TACR1: variants seen among roughly 807,000 people sequenced by gnomAD.
The protein encoded by TACR1 is substance-P receptor.
Under a neutral mutation model 35.8 loss-of-function variants are expected in TACR1, and 25 were observed. The ratio of observed to expected loss-of-function variants is 0.70; its 90% confidence interval spans 0.51 to 0.98. TACR1 has a LOEUF of 0.98. Among genes scored for constraint, TACR1 ranks in the 50% least tolerant of loss-of-function variants. TACR1 has a pLI of 0.00. For missense variants in TACR1, 478 were observed against 522.9 expected (o/e 0.91, Z 0.84); for synonymous variants, 195 against 206.7 (o/e 0.94, Z 0.48).
chr2:75,185,386 TAA>T (rs1412236821), intron 1 of TACR1, among the ~76,000 whole-genome samples: 2 of 151,882 alleles, frequency 1.3e-5, no homozygotes, highest in African/African-American at 4.8e-5. Flanking sequence ...TATAACAACA[TAA>T]AATAATATAA....
chr2:75,051,748 G>A (rs1340104390), intron 3 of TACR1, among the ~76,000 whole-genome samples: 6 of 152,208 alleles, frequency 3.9e-5, no homozygotes, highest in African/African-American at 1.4e-4. Flanking sequence ...CTGGGGATAG[G>A]ACCCCAAATT....
chr2:75,174,781 G>A (rs745454789), intron 1 of TACR1, among the ~76,000 whole-genome samples: 13 of 152,156 alleles, frequency 8.5e-5, no homozygotes, highest in Non-Finnish European at 1.5e-4. Context: ...ATTCTCCCTG[G>A]TGAGAATTTG....
At chr2:75,143,801 T>C (rs2103952558) in intron 1 of TACR1, among the ~76,000 whole-genome samples, 1 of 152,312 alleles carries the variant, frequency 6.6e-6, no homozygotes, top group African/African-American at 2.4e-5. Context: ...CTCACAGCAT[T>C]GTATTGCCTG....
intron 1 of TACR1, among the ~76,000 whole-genome samples, chr2:75,177,101 G>T (rs770125557): frequency 2.0e-5 from 3 of 152,024 alleles, no homozygotes; most frequent in African/African-American, 7.2e-5. Flanking sequence ...GGCACCAGGA[G>T]TACTTGCTGC....
chr2:75,159,685 G>C (rs3821317), intron 1 of TACR1, among the ~76,000 whole-genome samples: 82,268 of 151,968 alleles, frequency 0.54, 22,462 homozygotes, highest in South Asian at 0.55. Flanking sequence ...GAGCCATTTT[G>C]ACCACACTTT....
chr2:75,060,213 G>C (rs1672644979), intron 2 of TACR1, among the ~76,000 whole-genome samples: 1 of 152,196 alleles, frequency 6.6e-6, no homozygotes, highest in South Asian at 2.1e-4. Flanking sequence ...GCTGACAGTG[G>C]TTACCTCTTC....
rs574621671 is a variant in TACR1 at position 75,059,056 on chromosome 2, C to G, written c.585-5301G>C. Among the ~76,000 whole-genome samples, 12 of 152,302 alleles carry G rather than the reference C, an allele frequency of 7.9e-5. No homozygotes were observed. In the South Asian group the frequency reaches 2.3e-3, roughly 29 times the overall value. The stretch of plus-strand genomic sequence containing the variant: ...ATTCTAATGAGATAGTTCTGCTTTG[C>G]TGGGTTTACATATTGGCTTTCTGTG... On this transcript the variant is annotated intron_variant, in intron 2 of 4. Transcript: ENST00000305249.
intron 1 of TACR1, among the ~76,000 whole-genome samples, chr2:75,177,250 T>C (rs1296672215): frequency 1.3e-5 from 2 of 152,144 alleles, no homozygotes; most frequent in Admixed American, 6.5e-5. Flanking sequence ...TTCCCTCTCG[T>C]TCGTTGGACC....
At position 75,117,360 on chromosome 2, in the gene TACR1, A is replaced by G. The variant is rs140765855; in HGVS notation, c.584+3214T>C. Among the ~76,000 whole-genome samples the G allele has an allele frequency of 3.3e-3, 500 of 152,346 alleles. 1 individual carries two copies. Among genetic ancestry groups the G allele is most frequent in the African/African-American group, 0.012 (482 of 41,572 alleles). The stretch of plus-strand genomic sequence containing the variant: ...CAGGTGCAGCAACCTGAGATTTTTC[A>G]CAAAACATTTTATGTAATTAGCTTA... On this transcript the variant is annotated intron_variant, in intron 2 of 4. Transcript: ENST00000305249.
rs993148749 is a variant in TACR1, at chr2:75,188,650, G to A, written c.389+9896C>T. ...CCAGCACTCCTAGAGCTATGAAAAA[G>A]CCATAAGGCTCTGGCCTCAAGGGGA... On this transcript the variant is annotated intron_variant, in intron 1 of 4. Transcript: ENST00000305249. 9 of 152,318 alleles carry A rather than the reference G, an allele frequency of 5.9e-5. No individual in the cohort carries two copies. The South Asian group carries it at 8.3e-4, about 14-fold the overall frequency. The allele number at this position is 152,318 out of a possible 1,614,324, so 9.4% of individuals were successfully genotyped here.
chr2:75,093,867 T>C (rs1442786336), intron 2 of TACR1, among the ~76,000 whole-genome samples: 1 of 152,190 alleles, frequency 6.6e-6, no homozygotes, highest in Non-Finnish European at 1.5e-5. Context: ...GTTTTTGCCT[T>C]AGAATCCTGG....
intron 1 of TACR1, among the ~76,000 whole-genome samples, chr2:75,137,197 A>G (rs1474389958): frequency 6.6e-6 from 1 of 152,222 alleles, no homozygotes; most frequent in Admixed American, 6.5e-5. Flanking sequence ...CTCACTAGAC[A>G]CATGACAGAT....
chr2:75,117,982 A>C (rs1454712193), intron 2 of TACR1, among the ~76,000 whole-genome samples: 3 of 152,206 alleles, frequency 2.0e-5, no homozygotes, highest in Non-Finnish European at 2.9e-5. Context: ...TCAGAGCCTT[A>C]AATTGCTTGA....
At position 75,121,395 on chromosome 2, in the gene TACR1, G is replaced by A. The variant is rs747409874; in HGVS notation, c.390-627C>T. 7.2e-5 allele frequency among the ~76,000 whole-genome samples: 11 copies of A among 152,314 alleles called. 1 individual carries two copies. Among genetic ancestry groups the A allele is most frequent in the Admixed American group, 1.3e-4 (2 of 15,306 alleles). On this transcript the variant is annotated intron_variant, in intron 1 of 4. Coordinates refer to ENST00000305249, the MANE Select transcript of TACR1 (RefSeq NM_001058.4). ...GTGAAGAGAAAGACGGTCTCCACCT[G>A]CTGAGGCAGACAGACTAGAGTGCAC...
intron 1 of TACR1, among the ~76,000 whole-genome samples, chr2:75,142,306 A>C (rs888509895): frequency 6.6e-6 from 1 of 152,194 alleles, no homozygotes; most frequent in Non-Finnish European, 1.5e-5. Flanking sequence ...TTTAGGTCTC[A>C]GGAGAAGGTT....
chr2:75,100,305 G>A (rs1673512236), intron 2 of TACR1, among the ~76,000 whole-genome samples: 1 of 152,202 alleles, frequency 6.6e-6, no homozygotes, highest in Non-Finnish European at 1.5e-5. Flanking sequence ...CAGAGTGCCT[G>A]GAACATCATA....
intron 2 of TACR1, among the ~76,000 whole-genome samples, chr2:75,054,688 C>T (rs1207014193): frequency 6.6e-6 from 1 of 151,902 alleles, no homozygotes; most frequent in East Asian, 1.9e-4. Context: ...CTTGGTTTGT[C>T]TGGTTAGTTA....
chr2:75,120,503 AAG>A, intron 2 of TACR1, 69 bp downstream of exon 2: 5 of 1,390,100 alleles, frequency 3.6e-6, no homozygotes, highest in Middle Eastern at 2.1e-4. Flanking sequence ...GAAAGAAAGA[AAG>A]AGCAAGAAGG....
chr2:75,101,176 T>C (rs1256875317), intron 2 of TACR1, among the ~76,000 whole-genome samples: 1 of 151,986 alleles, frequency 6.6e-6, no homozygotes, highest in African/African-American at 2.4e-5. Context: ...GATAAGAATA[T>C]AATAGAAATA....
Sources: allele counts gnomAD v4.1 joint callset (sites outside exome capture counted in the v4.1 genomes callset), GRCh38; gene constraint gnomAD v4.1.1; transcripts MANE v1.5; gene names NCBI Gene and HGNC (gene_info 2026-07-23, HGNC 2026-07-21).